The following LVRN variants were observed in gnomAD, a reference collection of about 807,000 sequenced individuals.
LVRN encodes the protein laeverin.
A neutral mutation model predicts 111.4 loss-of-function variants in LVRN; 99 were observed. The observed-to-expected ratio is 0.89, with a 90% CI of 0.76 to 1.05. The LOEUF (loss-of-function observed/expected upper bound fraction) is 1.05. Ranked by LOEUF, LVRN falls within the 50% of genes least tolerant of loss-of-function variation. LVRN has a pLI of 0.00. For missense variants in LVRN, 1,414 were observed against 1,206.8 expected (o/e 1.17, Z -2.54); for synonymous variants, 488 against 449.5 (o/e 1.09, Z -1.08).
intron 4 of LVRN, among the ~76,000 whole-genome samples, chr5:115,989,811 G>A (rs1351920423): frequency 6.6e-6 from 1 of 152,110 alleles, no homozygotes; most frequent in Non-Finnish European, 1.5e-5. Flanking sequence ...TATTTTTATT[G>A]ATAGGTGATT....
chr5:116,002,809 T>A (rs371068037), intron 10 of LVRN, 26 bp from the exon 11 acceptor site: 40 of 1,529,136 alleles, frequency 2.6e-5, no homozygotes, highest in Non-Finnish European at 3.6e-5. Context: ...GAAAAGTAAC[T>A]AATTTTTTTA....
chr5:115,982,081 G>A (rs1037599772), intron 1 of LVRN, among the ~76,000 whole-genome samples: 1 of 152,154 alleles, frequency 6.6e-6, no homozygotes, highest in African/African-American at 2.4e-5. Context: ...GCTCGTTCCA[G>A]TCTATGCCAG....
At chr5:116,005,390 A>G (rs542042446) in intron 12 of LVRN, among the ~76,000 whole-genome samples, 3 of 152,348 alleles carry the variant, frequency 2.0e-5, no homozygotes, top group East Asian at 1.9e-4. Flanking sequence ...CACACTGGCA[A>G]TTGGCCCCTG....
In LVRN at chr5:115,992,240, T is replaced by C. The variant is rs745534740; in HGVS notation, c.1223T>C (p.Leu408Pro). 2 of 1,614,010 alleles carry C rather than the reference T, an allele frequency of 1.2e-6. No homozygotes were observed. Among genetic ancestry groups the C allele is most frequent in the South Asian group, 2.2e-5 (2 of 91,074 alleles). Residue 408 changes from leucine to proline, a missense_variant, in exon 5 of 20, where the codon CTG becomes CCG. Physicochemically the swap from Leu to Pro is moderately conservative, Grantham distance 98 (BLOSUM62 -3). Transcript: ENST00000357872. ...GATCAACTGACAGAAAAAAAGACTC[T>C]GATCTCCTATGTTGTCTCCCACGAG... ...PKDQLTEKKT[L>P]ISYVVSHEIG...
Position 116,000,482 on chromosome 5 carries a change from T to C in LVRN, c.1565T>C (p.Phe522Ser). ...TCTTGTTTCTTGAATGAGCATTTAT[T>C]TGTCAGTGCACTCAAGGTGAGTTTG... is the stretch of plus-strand genomic sequence containing the variant. ...MLSCFLNEHL[F>S]VSALKSYLKT... Residue 522 changes from phenylalanine to serine, a missense_variant, in exon 8 of 20, where the codon TTT becomes TCT. Phe to Ser is a radical substitution (Grantham distance 155). Transcript: ENST00000357872. 6.2e-7 allele frequency: 1 copy of C among 1,614,178 alleles called. No homozygotes were observed. The highest frequency in any genetic ancestry group is 8.5e-7 in the Non-Finnish European group (1 of 1,180,012).
chr5:116,003,861 G>A (rs570357911), intron 12 of LVRN, among the ~76,000 whole-genome samples: 2 of 152,108 alleles, frequency 1.3e-5, no homozygotes, highest in Non-Finnish European at 2.9e-5. Context: ...GATTACAGGC[G>A]TGAGCCACCG....
chr5:116,012,823 G>A (rs1748519913), intron 15 of LVRN, among the ~76,000 whole-genome samples: 1 of 152,288 alleles, frequency 6.6e-6, no homozygotes, highest in South Asian at 2.1e-4. Context: ...AAAGCCACAG[G>A]GGAAAAGGTC....
At position 115,987,855 on chromosome 5, in the gene LVRN, G is replaced by T. The variant is rs749856209; in HGVS notation, c.1021G>T (p.Ala341Ser). Residue 341 changes from alanine (A) to serine (S), a missense_variant, in exon 4 of 20, where the codon GCA becomes TCA. By Grantham distance (99) the Ala-to-Ser change is moderately conservative. Coordinates refer to ENST00000357872, the MANE Select transcript of LVRN (RefSeq NM_173800.5). ...ARKDAIANGSADFALNITGPI... is the reference protein window; with the variant it reads ...ARKDAIANGSSDFALNITGPI... ...GAAAGATGCAATTGCAAATGGAAGT[G>T]CAGACTTTGCTTTGAACATCACAGG... The T allele has an allele frequency of 6.2e-7, 1 of 1,613,080 alleles. No individual in the cohort carries two copies. The highest frequency in any genetic ancestry group is 1.3e-5 in the African/African-American group (1 of 74,846).
chr5:115,973,221 C>T (rs1024626799), intron 1 of LVRN, among the ~76,000 whole-genome samples: 1 of 152,230 alleles, frequency 6.6e-6, no homozygotes, highest in African/African-American at 2.4e-5. Flanking sequence ...TGAGCCACTG[C>T]ACCCAGTCAA....
intron 4 of LVRN, 25 bp downstream of exon 4, chr5:115,987,964 G>A (rs772209311): frequency 4.4e-6 from 7 of 1,600,250 alleles, no homozygotes; most frequent in Non-Finnish European, 6.0e-6. Context: ...TCCTTTCAGT[G>A]CATTTGGTTT....
intron 14 of LVRN, among the ~76,000 whole-genome samples, chr5:116,011,163 C>T (rs944649145): frequency 2.7e-5 from 4 of 149,612 alleles, no homozygotes; most frequent in South Asian, 4.2e-4. Flanking sequence ...TCCTAAGAAA[C>T]CAGAAGTGGA....
chr5:115,969,666 G>A (rs1360730522), intron 1 of LVRN, among the ~76,000 whole-genome samples: 2 of 151,904 alleles, frequency 1.3e-5, no homozygotes, highest in African/African-American at 4.8e-5. Flanking sequence ...CAGGTGTGGT[G>A]GCATGCACCT....
chr5:115,992,096 T>C, intron 4 of LVRN, 27 bp from the exon 5 acceptor site: 1 of 1,558,368 alleles, frequency 6.4e-7, no homozygotes, highest in East Asian at 2.3e-5. Context: ...GATTATTTTA[T>C]TTTCTCCTCC....
intron 6 of LVRN, among the ~76,000 whole-genome samples, chr5:115,997,528 G>A (rs1187251488): frequency 5.3e-5 from 8 of 151,872 alleles, no homozygotes; most frequent in Non-Finnish European, 2.9e-5. Flanking sequence ...GCAGGGCATG[G>A]TGCTGCACCC....
intron 13 of LVRN, among the ~76,000 whole-genome samples, chr5:116,009,958 A>G (rs1748451782): frequency 6.6e-6 from 1 of 152,226 alleles, no homozygotes; most frequent in Admixed American, 6.5e-5. Context: ...TGCTGTGGGT[A>G]AAATGCTATT....
rs545909986 is a variant in LVRN, at chr5:116,026,520, AT to A, written c.*405del. The A allele has an allele frequency of 6.4e-4, 157 of 243,982 alleles. No homozygotes were observed. Among genetic ancestry groups the A allele is most frequent in the African/African-American group, 3.5e-3 (150 of 42,780 alleles). The allele number at this position is 243,982 out of a possible 1,614,324, so 15.1% of individuals were successfully genotyped here. A position where few individuals can be genotyped will look rare whatever the true frequency, so the allele number is the denominator to read the frequency against. On this transcript the variant is annotated 3_prime_UTR_variant, in exon 20 of 20. Transcript: ENST00000357872. ...ACAGTTTTTCCAGGCCCTAGGGTTT[AT>A]TTAGTTCAACATTGAAGATTGAAAA...
rs769949308 is a variant in LVRN at position 115,987,849 on chromosome 5, G to A, written c.1015G>A (p.Gly339Arg). 2.5e-6 allele frequency: 4 copies of A among 1,612,940 alleles called. No homozygotes were observed. Among genetic ancestry groups the A allele is most frequent in the Non-Finnish European group, 3.4e-6 (4 of 1,179,488 alleles). Residue 339 changes from glycine (G) to arginine (R), a missense_variant, in exon 4 of 20, where the codon GGA (glycine) becomes AGA (arginine). By Grantham distance (125) the Gly-to-Arg change is moderately radical. Coordinates refer to ENST00000357872, the MANE Select transcript of LVRN (RefSeq NM_173800.5). ...IWARKDAIAN[G>R]SADFALNITG... Reference sequence around the variant, plus strand: ...GGCCCGGAAAGATGCAATTGCAAATGGAAGTGCAGACTTTGCTTTGAACAT... The same window carrying A: ...GGCCCGGAAAGATGCAATTGCAAATAGAAGTGCAGACTTTGCTTTGAACAT...
chr5:115,992,134 T>C lies in LVRN; in HGVS notation c.1117T>C (p.Leu373=). ...TTAAATCCACTTAGATATAATTGCCTTGCCTAGTTTTGACAACCATGCAAT... is the reference window on the plus strand; with the variant it reads ...TTAAATCCACTTAGATATAATTGCCCTGCCTAGTTTTGACAACCATGCAAT... The part of the protein sequence containing the change: ...YSLPKTDIIA[L]PSFDNHAMEN... The change falls in exon 5 of 20, where the codon TTG becomes CTG. Residue 373 remains leucine, a synonymous_variant. Transcript: ENST00000357872. The C allele has an allele frequency of 6.2e-7, 1 of 1,612,562 alleles. No homozygotes were observed. The highest frequency in any genetic ancestry group is 8.5e-7 in the Non-Finnish European group (1 of 1,179,486).
At chr5:116,012,008 C>G (rs1748500809) in intron 14 of LVRN, among the ~76,000 whole-genome samples, 1 of 151,926 alleles carries the variant, frequency 6.6e-6, no homozygotes, top group African/African-American at 2.4e-5. Context: ...TATATTTTTA[C>G]ATTTCTTCTC....
Sources: allele counts gnomAD v4.1 joint callset (sites outside exome capture counted in the v4.1 genomes callset), GRCh38; gene constraint gnomAD v4.1.1; transcripts MANE v1.5; gene names NCBI Gene and HGNC (gene_info 2026-07-23, HGNC 2026-07-21).